ASIC2: variants seen among roughly 807,000 people sequenced by gnomAD.
ASIC2 encodes acid sensing ion channel subunit 2, also known as acid-sensing ion channel 2.
In ASIC2, 25 loss-of-function variants were observed where a neutral mutation model predicts 57.3. The observed-to-expected ratio is 0.44, with a 90% CI of 0.32 to 0.61. The LOEUF is 0.61. Ranked by LOEUF, ASIC2 falls within the 20% of genes least tolerant of loss-of-function variation. The pLI is 0.06. For synonymous variants in ASIC2, 319 were observed against 307.5 expected (o/e 1.04, Z -0.39); for missense variants, 641 against 738.1 (o/e 0.87, Z 1.52).
chr17:33,660,983 G>T (rs1469020326), intron 1 of ASIC2, among the ~76,000 whole-genome samples: 1 of 152,122 alleles, frequency 6.6e-6, no homozygotes, highest in Non-Finnish European at 1.5e-5. Flanking sequence ...CCATCTTAAG[G>T]TTTCACCAAG....
At chr17:33,798,674 A>G (rs1171824333) in intron 1 of ASIC2, among the ~76,000 whole-genome samples, 1 of 152,192 alleles carries the variant, frequency 6.6e-6, no homozygotes, top group Non-Finnish European at 1.5e-5. Context: ...GCTGTGCTTA[A>G]ATAAAGGTCA....
intron 1 of ASIC2, among the ~76,000 whole-genome samples, chr17:33,690,750 T>G (rs986412670): frequency 2.2e-5 from 3 of 138,890 alleles, no homozygotes; most frequent in Non-Finnish European, 4.7e-5. Flanking sequence ...ATTGTTTTTT[T>G]TTTTTTTTTT....
intron 1 of ASIC2, among the ~76,000 whole-genome samples, chr17:33,536,864 T>C (rs567643069): frequency 6.6e-6 from 1 of 152,008 alleles, no homozygotes; most frequent in Non-Finnish European, 1.5e-5. Context: ...CCAGGTGTGG[T>C]AGCACTCACC....
chr17:33,187,553 C>G (rs1205377125), intron 1 of ASIC2, among the ~76,000 whole-genome samples: 2 of 152,114 alleles, frequency 1.3e-5, no homozygotes, highest in East Asian at 3.9e-4. Flanking sequence ...TTAAAATTCA[C>G]AGTCCAAAAC....
intron 1 of ASIC2, among the ~76,000 whole-genome samples, chr17:33,537,242 T>C (rs1388055197): frequency 6.6e-6 from 1 of 152,176 alleles, no homozygotes; most frequent in African/African-American, 2.4e-5. Context: ...CTTGTTCTGG[T>C]GTCAGGGTCT....
At chr17:33,662,757 C>A (rs1479382816) in intron 1 of ASIC2, among the ~76,000 whole-genome samples, 2 of 132,840 alleles carry the variant, frequency 1.5e-5, no homozygotes, top group Non-Finnish European at 3.2e-5. Flanking sequence ...TTCCTTCCTT[C>A]CTTCTTTCTT....
At chr17:33,838,770 T>A (rs1055254063) in intron 1 of ASIC2, among the ~76,000 whole-genome samples, 1 of 152,108 alleles carries the variant, frequency 6.6e-6, no homozygotes, top group African/African-American at 2.4e-5. Flanking sequence ...CCTGGGGAGC[T>A]TTAAAAATAC....
At chr17:33,970,067 A>C (rs1334635516) in intron 1 of ASIC2, among the ~76,000 whole-genome samples, 1 of 152,110 alleles carries the variant, frequency 6.6e-6, no homozygotes, top group Non-Finnish European at 1.5e-5. Flanking sequence ...TGAGGCTAGC[A>C]GTGTTTCTCA....
At chr17:33,961,780 G>A (rs1904930553) in intron 1 of ASIC2, among the ~76,000 whole-genome samples, 1 of 152,160 alleles carries the variant, frequency 6.6e-6, no homozygotes, top group South Asian at 2.1e-4. Flanking sequence ...GGTAGCCCTG[G>A]CTGCCCCTTC....
At chr17:33,137,055 C>A (rs759054399) in intron 1 of ASIC2, among the ~76,000 whole-genome samples, 1 of 152,150 alleles carries the variant, frequency 6.6e-6, no homozygotes, top group African/African-American at 2.4e-5. Context: ...AGAAGTGGAA[C>A]GTAGCTAACA....
intron 1 of ASIC2, among the ~76,000 whole-genome samples, chr17:34,024,695 C>G (rs759224052): frequency 2.0e-5 from 3 of 152,176 alleles, no homozygotes; most frequent in Admixed American, 6.5e-5. Context: ...CAAAACCTGG[C>G]CAGCGTGGGG....
At chr17:33,180,764 C>A (rs962064954) in intron 1 of ASIC2, among the ~76,000 whole-genome samples, 33 of 152,154 alleles carry the variant, frequency 2.2e-4, no homozygotes, top group African/African-American at 7.2e-4. Flanking sequence ...AGACTCCTAA[C>A]TCCTGATGAC....
chr17:33,262,768 T>C lies in ASIC2; in HGVS notation c.708+28640A>G, dbSNP rs956351423. Reference sequence around the variant, plus strand: ...ACGCAAATAAACATGTAATCACACATTGTGCTGAGTGCTATAAGGGAAAAG... The same window carrying C: ...ACGCAAATAAACATGTAATCACACACTGTGCTGAGTGCTATAAGGGAAAAG... On this transcript the variant is annotated intron_variant, in intron 1 of 9. Coordinates refer to ENST00000225823, the MANE Select transcript of ASIC2 (RefSeq NM_183377.2). Among the ~76,000 whole-genome samples, 8 of 152,096 alleles carry C rather than the reference T, an allele frequency of 5.3e-5. No homozygotes were observed. In the East Asian group the frequency reaches 1.3e-3, roughly 26 times the overall value.
At chr17:33,116,041 G>A (rs903203556) in intron 1 of ASIC2, among the ~76,000 whole-genome samples, 22 of 152,078 alleles carry the variant, frequency 1.4e-4, no homozygotes, top group South Asian at 2.1e-4. Flanking sequence ...GGACCTAAGC[G>A]TTTTTGCTTG....
At chr17:33,902,377 A>C (rs1487411436) in intron 1 of ASIC2, among the ~76,000 whole-genome samples, 3 of 152,248 alleles carry the variant, frequency 2.0e-5, no homozygotes, top group African/African-American at 7.2e-5. Flanking sequence ...ACAAAATCCC[A>C]GTTTACACTA....
At chr17:33,598,008 A>G (rs1905030513) in intron 1 of ASIC2, among the ~76,000 whole-genome samples, 1 of 152,110 alleles carries the variant, frequency 6.6e-6, no homozygotes, top group African/African-American at 2.4e-5. Context: ...TTACCTCACA[A>G]TCTTGTGATG....
chr17:34,062,536 T>C (rs1472966747), intron 1 of ASIC2, among the ~76,000 whole-genome samples: 1 of 151,730 alleles, frequency 6.6e-6, no homozygotes, highest in African/African-American at 2.4e-5. Flanking sequence ...CAGAACTAAA[T>C]GAAATTGAAA....
At chr17:33,256,446 TA>T (rs1447906039) in intron 1 of ASIC2, among the ~76,000 whole-genome samples, 9 of 152,220 alleles carry the variant, frequency 5.9e-5, no homozygotes, top group African/African-American at 7.2e-5. Context: ...CTTCCTATTA[TA>T]TTTTTTTTAC....
chr17:33,734,473 G>A (rs910530870), intron 1 of ASIC2, among the ~76,000 whole-genome samples: 5 of 151,902 alleles, frequency 3.3e-5, no homozygotes, highest in East Asian at 1.9e-4. Context: ...CACACCACCC[G>A]CACTTCTGGA....
Sources: gnomAD v4.1 joint callset for allele counts (sites outside exome capture counted in the v4.1 genomes callset) on GRCh38, gnomAD v4.1.1 for gene constraint, MANE v1.5 for transcripts, NCBI Gene and HGNC (gene_info 2026-07-23, HGNC 2026-07-21) for gene names.